WDR72: variants seen among roughly 807,000 people sequenced by gnomAD.
WDR72 encodes the protein WD repeat domain 72.
Under a neutral mutation model 124.2 loss-of-function variants are expected in WDR72, and 120 were observed. The observed-to-expected ratio is 0.97, with a 90% CI of 0.83 to 1.12. WDR72 has a LOEUF of 1.12. Among genes scored for constraint, WDR72 ranks in the 50% most tolerant of loss-of-function variants. The pLI, the probability that WDR72 is intolerant of heterozygous loss-of-function variation, is 0.00. For synonymous variants in WDR72, 452 were observed against 441.7 expected (o/e 1.02, Z -0.29); for missense variants, 1,387 against 1,278.8 (o/e 1.08, Z -1.29).
intron 18 of WDR72, among the ~76,000 whole-genome samples, chr15:53,537,349 G>C (rs979728538): frequency 1.3e-5 from 2 of 152,090 alleles, no homozygotes; most frequent in African/African-American, 2.4e-5. Flanking sequence ...TTTCTTATAA[G>C]TGTTTCCTTC....
chr15:53,529,164 A>ATATATATATATTTTTTTTT (rs59003623), intron 18 of WDR72, among the ~76,000 whole-genome samples: 5 of 78,154 alleles, frequency 6.4e-5, no homozygotes, highest in African/African-American at 2.5e-4. Flanking sequence ...ATATATATAT[A>ATATATATATATTTTTTTTT]TTTTTTTTTT....
chr15:53,619,910 G>A (rs960109199), intron 14 of WDR72, among the ~76,000 whole-genome samples: 10 of 152,002 alleles, frequency 6.6e-5, no homozygotes, highest in African/African-American at 2.4e-4. Flanking sequence ...CTGATGTTCA[G>A]ACTATTAGCC....
intron 14 of WDR72, among the ~76,000 whole-genome samples, chr15:53,633,763 A>C (rs1478436159): frequency 6.6e-6 from 1 of 152,172 alleles, no homozygotes; most frequent in East Asian, 1.9e-4. Flanking sequence ...AGAATTAATA[A>C]CTTTGGTAAA....
intron 14 of WDR72, among the ~76,000 whole-genome samples, chr15:53,648,874 A>G (rs1241444384): frequency 7.4e-6 from 1 of 135,378 alleles, no homozygotes; most frequent in Non-Finnish European, 1.5e-5. Flanking sequence ...CTTGTAGACT[A>G]CCTTAAAAAA....
chr15:53,609,685 C>CT, intron 16 of WDR72, 93 bp from the exon 17 acceptor site: 1 of 1,105,172 alleles, frequency 9.0e-7, no homozygotes, highest in South Asian at 1.3e-5. Flanking sequence ...ACCTGGGAAG[C>CT]TTTGTTTTTT....
intron 18 of WDR72, among the ~76,000 whole-genome samples, chr15:53,570,140 T>G (rs548158877): frequency 2.0e-5 from 3 of 152,234 alleles, no homozygotes; most frequent in African/African-American, 4.8e-5. Flanking sequence ...GCTAAATTTT[T>G]TATTTTAAGT....
rs370856121 is a variant in WDR72, at chr15:53,727,370, A to G, written c.154-4462T>C. On this transcript the variant is annotated intron_variant, in intron 2 of 19. Coordinates refer to ENST00000360509, the MANE Select transcript of WDR72 (RefSeq NM_182758.4). ...AACATATGTAGATGGTAACTCAGCC[A>G]TATTAATGAGGACAAATTATTTCAT... 3.3e-4 allele frequency among the ~76,000 whole-genome samples: 50 copies of G among 152,274 alleles called. 1 individual carries two copies. The East Asian group carries it at 8.5e-3, about 26-fold the overall frequency.
At chr15:53,736,236 C>CA (rs1317373079) in intron 1 of WDR72, among the ~76,000 whole-genome samples, 2 of 152,062 alleles carry the variant, frequency 1.3e-5, no homozygotes, top group Non-Finnish European at 2.9e-5. Context: ...TAGAACAGAG[C>CA]AAGAGTGGAG....
Position 53,711,325 on chromosome 15 carries a change from T to C in WDR72, c.857+11A>G. On this transcript the variant is annotated intron_variant, in intron 8 of 19. Coordinates refer to ENST00000360509, the MANE Select transcript of WDR72 (RefSeq NM_182758.4). ...CTGAATGTTTTGTATGCCGCTCCCA[T>C]CTGAGCCCACCTGTTCAGCAGCTGA... The C allele has an allele frequency of 6.2e-7, 1 of 1,614,150 alleles. No individual in the cohort carries two copies. The highest frequency in any genetic ancestry group is 8.5e-7 in the Non-Finnish European group (1 of 1,180,038).
chr15:53,670,789 T>C (rs2015958608), intron 13 of WDR72, among the ~76,000 whole-genome samples: 1 of 152,322 alleles, frequency 6.6e-6, no homozygotes, highest in South Asian at 2.1e-4. Flanking sequence ...TGCTGTGCTA[T>C]ATGACAGCCC....
chr15:53,660,857 A>C (rs1595827449), intron 14 of WDR72, among the ~76,000 whole-genome samples: 1 of 152,290 alleles, frequency 6.6e-6, no homozygotes, highest in East Asian at 1.9e-4. Context: ...TACATTCCAC[A>C]CAGTGCAGAG....
intron 1 of WDR72, among the ~76,000 whole-genome samples, chr15:53,753,767 C>A (rs947704010): frequency 6.6e-6 from 1 of 152,190 alleles, no homozygotes; most frequent in African/African-American, 2.4e-5. Context: ...ATACTCAATT[C>A]AGCAAGTGTT....
At chr15:53,729,116 T>C (rs2140599023) in intron 2 of WDR72, among the ~76,000 whole-genome samples, 1 of 152,270 alleles carries the variant, frequency 6.6e-6, no homozygotes, top group South Asian at 2.1e-4. Context: ...TCCCAAACCC[T>C]AAATCTGGGA....
intron 1 of WDR72, among the ~76,000 whole-genome samples, chr15:53,757,119 G>A (rs1191825539): frequency 1.3e-5 from 2 of 152,278 alleles, no homozygotes; most frequent in Admixed American, 1.3e-4. Flanking sequence ...AAGTTGATTA[G>A]GAAGAGGTCT....
intron 11 of WDR72, among the ~76,000 whole-genome samples, chr15:53,704,739 A>T (rs1329697482): frequency 7.8e-6 from 1 of 127,580 alleles, no homozygotes; most frequent in Non-Finnish European, 1.6e-5. Flanking sequence ...TCACCGTGTT[A>T]GCCAGGATGG....
intron 18 of WDR72, among the ~76,000 whole-genome samples, chr15:53,575,006 A>AACACACACACACACAC (rs3081214): frequency 4.1e-5 from 6 of 147,194 alleles, no homozygotes; most frequent in African/African-American, 1.5e-4. Flanking sequence ...AATCAAACAC[A>AACACACACACACACAC]ACACACACAC....
At chr15:53,758,785 GTGCGGGC>G (rs2018985695) in intron 1 of WDR72, among the ~76,000 whole-genome samples, 1 of 93,060 alleles carries the variant, frequency 1.1e-5, no homozygotes. Flanking sequence ...GGGGGGGGCG[GTGCGGGC>G]GGGGGAAGAC....
chr15:53,633,731 T>C (rs1595808403), intron 14 of WDR72, among the ~76,000 whole-genome samples: 1 of 152,330 alleles, frequency 6.6e-6, no homozygotes, highest in Non-Finnish European at 1.5e-5. Context: ...AAATATTCTA[T>C]ATTAAAAATA....
chr15:53,590,061 G>C (rs184817497), intron 18 of WDR72, among the ~76,000 whole-genome samples: 33 of 152,140 alleles, frequency 2.2e-4, no homozygotes, highest in African/African-American at 7.9e-4. Flanking sequence ...AGTAGGTAAT[G>C]TATTCTAGGT....
Sources: gnomAD v4.1 joint callset for allele counts (sites outside exome capture counted in the v4.1 genomes callset) on GRCh38, gnomAD v4.1.1 for gene constraint, MANE v1.5 for transcripts, NCBI Gene and HGNC (gene_info 2026-07-23, HGNC 2026-07-21) for gene names.